MGMT: variants seen among roughly 807,000 people sequenced by gnomAD.
The protein encoded by MGMT is methylated-DNA--protein-cysteine methyltransferase.
A neutral mutation model predicts 15.9 loss-of-function variants in MGMT; 14 were observed. That is an observed-to-expected ratio of 0.88 (90% CI 0.58 to 1.37). The LOEUF (loss-of-function observed/expected upper bound fraction) is 1.37, where lower values mean the gene tolerates loss of function less well. Among genes scored for constraint, MGMT ranks in the 40% most tolerant of loss-of-function variants. The pLI, the probability that MGMT is intolerant of heterozygous loss-of-function variation, is 0.00. For missense variants in MGMT, 282 were observed against 268.1 expected, an observed-to-expected ratio of 1.05 and a Z score of -0.36; for synonymous variants, 130 against 118.2, an observed-to-expected ratio of 1.10 and a Z score of -0.65.
At chr10:129,732,557 T>A (rs1047926326) in intron 3 of MGMT, among the ~76,000 whole-genome samples, 2 of 152,032 alleles carry the variant, frequency 1.3e-5, no homozygotes, top group African/African-American at 4.8e-5. Flanking sequence ...GGCATTTTTT[T>A]TAATTTATTA....
intron 3 of MGMT, among the ~76,000 whole-genome samples, chr10:129,713,800 G>A (rs1848260535): frequency 6.6e-6 from 1 of 152,132 alleles, no homozygotes; most frequent in South Asian, 2.1e-4. Flanking sequence ...CCCATCCCCT[G>A]TGGGTCCAGA....
At chr10:129,725,835 G>T (rs144303548) in intron 3 of MGMT, among the ~76,000 whole-genome samples, 1 of 152,202 alleles carries the variant, frequency 6.6e-6, no homozygotes, top group Non-Finnish European at 1.5e-5. Flanking sequence ...GTAAACTACC[G>T]GGATCAGGAG....
chr10:129,615,033 A>G (rs1263925214), intron 2 of MGMT, among the ~76,000 whole-genome samples: 2 of 151,882 alleles, frequency 1.3e-5, no homozygotes, highest in Non-Finnish European at 2.9e-5. Flanking sequence ...TCAGTTGAGT[A>G]GGGATTTGTG....
intron 2 of MGMT, among the ~76,000 whole-genome samples, chr10:129,650,960 C>G (rs1054612660): frequency 1.3e-5 from 2 of 152,140 alleles, no homozygotes; most frequent in African/African-American, 2.4e-5. Flanking sequence ...GCCCGAGGGC[C>G]GCAGTCCTGG....
At chr10:129,487,973 G>T (rs1285863623) in intron 1 of MGMT, among the ~76,000 whole-genome samples, 4 of 39,524 alleles carry the variant, frequency 1.0e-4, no homozygotes, top group East Asian at 1.8e-3. Context: ...AGGTGTATAC[G>T]CAGGTATACA....
chr10:129,755,844 G>A (rs1246625350), intron 3 of MGMT, among the ~76,000 whole-genome samples: 1 of 152,236 alleles, frequency 6.6e-6, no homozygotes, highest in Non-Finnish European at 1.5e-5. Flanking sequence ...GGATAAGGAA[G>A]TGATGAGTCT....
chr10:129,529,571 T>C (rs1474325369), intron 1 of MGMT, among the ~76,000 whole-genome samples: 4 of 152,234 alleles, frequency 2.6e-5, no homozygotes, highest in Non-Finnish European at 5.9e-5. Flanking sequence ...TTAAGCCATA[T>C]CCACAGGAAG....
intron 2 of MGMT, among the ~76,000 whole-genome samples, chr10:129,683,995 C>T (rs1188379060): frequency 6.6e-6 from 1 of 152,238 alleles, no homozygotes; most frequent in Non-Finnish European, 1.5e-5. Context: ...CTGCTCCCCA[C>T]TCATCCCACA....
intron 1 of MGMT, among the ~76,000 whole-genome samples, chr10:129,515,958 CGGT>C (rs1331982262): frequency 6.6e-6 from 1 of 152,106 alleles, no homozygotes; most frequent in Non-Finnish European, 1.5e-5. Context: ...ATTAATGAGA[CGGT>C]GATCATCCAG....
At chr10:129,479,180 A>C (rs1392501138) in intron 1 of MGMT, among the ~76,000 whole-genome samples, 5 of 152,346 alleles carry the variant, frequency 3.3e-5, no homozygotes, top group Admixed American at 1.3e-4. Context: ...AGTTATGTTA[A>C]TATGGCAAAT....
chr10:129,504,656 G>C (rs1845607460), intron 1 of MGMT, among the ~76,000 whole-genome samples: 1 of 152,156 alleles, frequency 6.6e-6, no homozygotes. Flanking sequence ...GGACTAGAGA[G>C]GATGCCCTCC....
chr10:129,669,606 G>A (rs1564754615), intron 2 of MGMT, among the ~76,000 whole-genome samples: 1 of 152,152 alleles, frequency 6.6e-6, no homozygotes, highest in Non-Finnish European at 1.5e-5. Flanking sequence ...ATTAAAGGTT[G>A]GGTGGAAGCT....
At chr10:129,523,424 C>T (rs1845834644) in intron 1 of MGMT, among the ~76,000 whole-genome samples, 1 of 152,162 alleles carries the variant, frequency 6.6e-6, no homozygotes, top group Non-Finnish European at 1.5e-5. Flanking sequence ...AGGAATCATG[C>T]TTGATGAAGG....
intron 1 of MGMT, among the ~76,000 whole-genome samples, chr10:129,530,932 C>G (rs1055012504): frequency 9.9e-5 from 15 of 152,228 alleles, no homozygotes; most frequent in Admixed American, 7.9e-4. Context: ...CACTCTCCCC[C>G]CGAAGTGTGG....
chr10:129,753,842 G>C (rs1848776258), intron 3 of MGMT, among the ~76,000 whole-genome samples: 1 of 152,188 alleles, frequency 6.6e-6, no homozygotes, highest in South Asian at 2.1e-4. Flanking sequence ...TGCATGCTTG[G>C]TAATTTTGGA....
At chr10:129,584,425 A>G (rs35757488) in intron 2 of MGMT, among the ~76,000 whole-genome samples, 125 of 136,670 alleles carry the variant, frequency 9.1e-4, no homozygotes, top group Non-Finnish European at 1.7e-3. Context: ...TCTTTTTTGT[A>G]TAAGGCTTAA....
chr10:129,707,511 G>C (rs1025673328), intron 2 of MGMT, among the ~76,000 whole-genome samples: 1 of 152,166 alleles, frequency 6.6e-6, no homozygotes, highest in Non-Finnish European at 1.5e-5. Context: ...TGTTGGACTC[G>C]GGGTGGGGTG....
At chr10:129,487,211 T>C (rs1487057620) in intron 1 of MGMT, among the ~76,000 whole-genome samples, 1 of 151,930 alleles carries the variant, frequency 6.6e-6, no homozygotes, top group Non-Finnish European at 1.5e-5. Context: ...TTTGCCCTGC[T>C]CTCATGGGGG....
chr10:129,596,912 A>G (rs892613801), intron 2 of MGMT, among the ~76,000 whole-genome samples: 2 of 152,066 alleles, frequency 1.3e-5, no homozygotes, highest in African/African-American at 2.4e-5. Context: ...AGGCATATAC[A>G]GACACTGCTT....
Sources: gnomAD v4.1 joint callset for allele counts (sites outside exome capture counted in the v4.1 genomes callset) on GRCh38, gnomAD v4.1.1 for gene constraint, MANE v1.5 for transcripts, NCBI Gene and HGNC (gene_info 2026-07-23, HGNC 2026-07-21) for gene names.